Variants in NUDT9 observed in about 807,000 individuals in gnomAD.
NUDT9 encodes ADP-ribose pyrophosphatase.
In NUDT9, 31 loss-of-function variants were observed where a neutral mutation model predicts 41.0. The observed-to-expected ratio is 0.76, with a 90% CI of 0.57 to 1.02. The LOEUF (loss-of-function observed/expected upper bound fraction) is 1.02, where lower values mean the gene tolerates loss of function less well. Among genes scored for constraint, NUDT9 ranks in the 50% least tolerant of loss-of-function variants. The pLI is 0.00. For synonymous variants in NUDT9, 146 were observed against 147.6 expected (o/e 0.99, Z 0.08); for missense variants, 380 against 431.4 (o/e 0.88, Z 1.06).
At chr4:87,431,714 CTTTG>C (rs905558655) in intron 1 of NUDT9, among the ~76,000 whole-genome samples, 8 of 151,900 alleles carry the variant, frequency 5.3e-5, no homozygotes, top group African/African-American at 1.7e-4. Context: ...ATTATTAGTG[CTTTG>C]TTTGTTTGTT....
At chr4:87,435,712 G>T (rs1721900001) in intron 2 of NUDT9, among the ~76,000 whole-genome samples, 1 of 152,166 alleles carries the variant, frequency 6.6e-6, no homozygotes, top group Non-Finnish European at 1.5e-5. Flanking sequence ...GAGAGGGGGA[G>T]AATGAGAGAG....
At chr4:87,438,428 A>G in intron 3 of NUDT9, 56 bp downstream of exon 3, 1 of 939,478 alleles carries the variant, frequency 1.1e-6, no homozygotes, top group East Asian at 2.4e-5. Context: ...AGTAGAAAAG[A>G]TAGTTCATAT....
intron 2 of NUDT9, 98 bp from the exon 3 acceptor site, chr4:87,438,179 A>T: frequency 3.6e-6 from 2 of 550,410 alleles, no homozygotes; most frequent in Non-Finnish European, 6.3e-6. Flanking sequence ...TTATTGTTTC[A>T]GGAATACTTC....
rs533173198 is a variant in NUDT9 at position 87,436,393 on chromosome 4, C to T, written c.347+1173C>T. Reference sequence around the variant, plus strand: ...TGGTGTGATCATAGCTCACTGCAGCCTTGATCTCCTGGGCTCAAGTGATCC... The same window carrying T: ...TGGTGTGATCATAGCTCACTGCAGCTTTGATCTCCTGGGCTCAAGTGATCC... On this transcript the variant is annotated intron_variant, in intron 2 of 7. Coordinates refer to ENST00000302174, the MANE Select transcript of NUDT9 (RefSeq NM_024047.5). Among the ~76,000 whole-genome samples, 20 of 152,292 alleles carry T rather than the reference C, an allele frequency of 1.3e-4. No individual in the cohort carries two copies. The South Asian group carries it at 1.4e-3, about 11-fold the overall frequency.
Position 87,449,078 on chromosome 4 carries a change from A to G in NUDT9, c.531-64A>G, listed in dbSNP as rs1722596738. On this transcript the variant is annotated intron_variant, in intron 4 of 7. Coordinates refer to ENST00000302174, the MANE Select transcript of NUDT9 (RefSeq NM_024047.5). ...GAAAAAGTCCTTGTAACTTTATCTC[A>G]AGTTTGAGATAGAACCTTAGTTTTT... 13 of 906,140 alleles carry G rather than the reference A, an allele frequency of 1.4e-5. No individual in the cohort carries two copies. In the South Asian group the frequency reaches 1.6e-4, roughly 11 times the overall value. The allele number at this position is 906,140 out of a possible 1,614,324, so 56.1% of individuals were successfully genotyped here. A position where few individuals can be genotyped will look rare whatever the true frequency, so the allele number is the denominator to read the frequency against.
In NUDT9 at chr4:87,455,125, G is replaced by C. The variant is rs1722929149; in HGVS notation, c.874+670G>C. Among the ~76,000 whole-genome samples, 4 of 152,304 alleles carry C rather than the reference G, an allele frequency of 2.6e-5. No individual in the cohort carries two copies. The South Asian group carries it at 8.3e-4, about 32-fold the overall frequency. ...ATAAAAGTGGGGGCACCATGCTAGA[G>C]AAATGAAATGAATGTTCCACTCATA... On this transcript the variant is annotated intron_variant, in intron 7 of 7. Coordinates refer to ENST00000302174, the MANE Select transcript of NUDT9 (RefSeq NM_024047.5).
At chr4:87,438,161 T>A in intron 2 of NUDT9, 116 bp from the exon 3 acceptor site, 3 of 478,150 alleles carry the variant, frequency 6.3e-6, no homozygotes, top group East Asian at 3.7e-5. Context: ...AAACTAACCC[T>A]TAAAAATTTA....
chr4:87,448,138 A>ATTTTTTTTTTTTTTTTTTTTTTTTT (rs1213818782), intron 4 of NUDT9, among the ~76,000 whole-genome samples: 2 of 92,382 alleles, frequency 2.2e-5, no homozygotes, highest in Non-Finnish European at 4.0e-5. Flanking sequence ...TTAAAAGCAA[A>ATTTTTTTTTTTTTTTTTTTTTTTTT]TTTTTTTTTT....
chr4:87,450,378 C>CTTTTTTTTTTTTT (rs59228872), intron 5 of NUDT9, among the ~76,000 whole-genome samples: 48 of 102,294 alleles, frequency 4.7e-4, no homozygotes, highest in African/African-American at 6.2e-4. Context: ...TTTTCTTTTT[C>CTTTTTTTTTTTTT]TTTTTTTTTT....
At chr4:87,441,970 G>A in intron 4 of NUDT9, 55 bp downstream of exon 4, 1 of 1,229,308 alleles carries the variant, frequency 8.1e-7, no homozygotes, top group Non-Finnish European at 1.1e-6. Context: ...TAGAAAAATT[G>A]CAGACTGTAG....
chr4:87,423,030 T>C lies in NUDT9; in HGVS notation c.107+18T>C, dbSNP rs780139203. On this transcript the variant is annotated intron_variant, in intron 1 of 7. Coordinates refer to ENST00000302174, the MANE Select transcript of NUDT9 (RefSeq NM_024047.5). ...GCGTTCAGGTATTCCACCCTCCTAC[T>C]ACCGGCTCCTTTGCCCTAGACCTTG... is the stretch of plus-strand genomic sequence containing the variant. The C allele has an allele frequency of 3.2e-5, 51 of 1,594,732 alleles. No individual in the cohort carries two copies. Among genetic ancestry groups the C allele is most frequent in the Non-Finnish European group, 4.4e-5 (51 of 1,165,136 alleles).
At chr4:87,452,700 C>G (rs35679067) in intron 6 of NUDT9, among the ~76,000 whole-genome samples, 8 of 151,700 alleles carry the variant, frequency 5.3e-5, no homozygotes, top group African/African-American at 1.9e-4. Flanking sequence ...AGGATCCCCC[C>G]ACCTCGACCT....
chr4:87,437,272 AG>A (rs1473055956), intron 2 of NUDT9, among the ~76,000 whole-genome samples: 1 of 129,298 alleles, frequency 7.7e-6, no homozygotes, highest in African/African-American at 2.6e-5. Flanking sequence ...AAAAAAAGAA[AG>A]AAAGAAAAAA....
At chr4:87,426,935 CAAAA>C (rs70957243) in intron 1 of NUDT9, among the ~76,000 whole-genome samples, 1 of 54,356 alleles carries the variant, frequency 1.8e-5, no homozygotes, top group African/African-American at 7.9e-5. Context: ...ACTCCCTTGC[CAAAA>C]AAAAAAACAA....
chr4:87,440,112 A>G (rs762886961), intron 3 of NUDT9, among the ~76,000 whole-genome samples: 22 of 152,204 alleles, frequency 1.4e-4, no homozygotes, highest in Non-Finnish European at 5.9e-5. Flanking sequence ...TCTTTTATAG[A>G]TACAATTATA....
At chr4:87,454,155 G>A (rs992106764) in intron 6 of NUDT9, among the ~76,000 whole-genome samples, 2 of 151,980 alleles carry the variant, frequency 1.3e-5, no homozygotes, top group African/African-American at 2.4e-5. Flanking sequence ...GAGCCACCGC[G>A]CCCGGCTATT....
At chr4:87,457,467 C>A (rs944714537) in intron 7 of NUDT9, among the ~76,000 whole-genome samples, 4 of 152,022 alleles carry the variant, frequency 2.6e-5, no homozygotes, top group African/African-American at 4.8e-5. Flanking sequence ...GAACTCCTGA[C>A]CTCAGGTGAT....
intron 4 of NUDT9, among the ~76,000 whole-genome samples, chr4:87,444,830 TC>T (rs1453161256): frequency 6.6e-6 from 1 of 152,172 alleles, no homozygotes; most frequent in African/African-American, 2.4e-5. Flanking sequence ...TTAGAGATGG[TC>T]CGAGGCTATA....
intron 3 of NUDT9, among the ~76,000 whole-genome samples, chr4:87,438,665 A>G (rs1722063769): frequency 6.6e-6 from 1 of 152,222 alleles, no homozygotes; most frequent in African/African-American, 2.4e-5. Context: ...ACATTAACAG[A>G]AAGAAAAATT....
Sources: gnomAD v4.1 joint callset for allele counts (sites outside exome capture counted in the v4.1 genomes callset) on GRCh38, gnomAD v4.1.1 for gene constraint, MANE v1.5 for transcripts, NCBI Gene and HGNC (gene_info 2026-07-23, HGNC 2026-07-21) for gene names.